MOCS1: variants seen among roughly 807,000 people sequenced by gnomAD.
MOCS1 encodes molybdenum cofactor biosynthesis protein 1.
In MOCS1, 39 loss-of-function variants were observed where a neutral mutation model predicts 57.6. That is an observed-to-expected ratio of 0.68 (90% CI 0.52 to 0.88). MOCS1 has a LOEUF of 0.88. MOCS1 is among the 40% of genes least tolerant of loss of function. MOCS1 has a pLI of 0.00. For synonymous variants in MOCS1, 334 were observed against 335.7 expected (o/e 1.00, Z 0.05); for missense variants, 795 against 831.1 (o/e 0.96, Z 0.53).
At chr6:39,914,259 ATAG>A (rs1242667160) in intron 4 of MOCS1, among the ~76,000 whole-genome samples, 1 of 152,264 alleles carries the variant, frequency 6.6e-6, no homozygotes, top group African/African-American at 2.4e-5. Context: ...CCTGTGGGCC[ATAG>A]CATGCTGACC....
intron 7 of MOCS1, 44 bp from the exon 8 acceptor site, chr6:39,912,418 G>T: frequency 7.3e-7 from 1 of 1,374,082 alleles, no homozygotes; most frequent in South Asian, 1.2e-5. Flanking sequence ...GGAGGGGATG[G>T]GCTACTGAGC....
intron 2 of MOCS1, among the ~76,000 whole-genome samples, chr6:39,927,016 G>C (rs531875582): frequency 2.6e-5 from 4 of 151,812 alleles, no homozygotes; most frequent in African/African-American, 9.7e-5. Flanking sequence ...TGGACTTCGG[G>C]AACTACAGGG....
chr6:39,907,245 G>T, intron 10 of MOCS1, 128 bp from the exon 11 acceptor site: 2 of 1,044,684 alleles, frequency 1.9e-6, no homozygotes, highest in Non-Finnish European at 2.7e-6. Flanking sequence ...GAGGAATGAA[G>T]AACAAAAAGC....
intron 3 of MOCS1, among the ~76,000 whole-genome samples, chr6:39,920,172 T>C (rs1374166187): frequency 2.0e-5 from 3 of 152,200 alleles, no homozygotes; most frequent in African/African-American, 7.2e-5. Context: ...CTAATTAACA[T>C]GTGAAGAGAT....
rs746167782 is a variant in MOCS1 at position 39,905,070 on chromosome 6, GTTGT to G, written c.*1283_*1286del. The stretch of plus-strand genomic sequence containing the variant: ...ACAAATTGTCTTTTCCAGAGAGCTG[GTTGT>G]TTAATATTTGCCAGCACACCTTGGC... On this transcript the variant is annotated 3_prime_UTR_variant, in exon 11 of 11. Coordinates refer to ENST00000340692, the MANE Select transcript of MOCS1 (RefSeq NM_001358530.2). 2.2e-5 allele frequency: 10 copies of G among 454,142 alleles called. No individual in the cohort carries two copies. Among genetic ancestry groups the G allele is most frequent in the African/African-American group, 6.0e-5 (3 of 49,978 alleles). The allele number at this position is 454,142 out of a possible 1,614,324, so 28.1% of individuals were successfully genotyped here.
At chr6:39,930,083 A>G (rs1464326956) in intron 1 of MOCS1, among the ~76,000 whole-genome samples, 1 of 152,070 alleles carries the variant, frequency 6.6e-6, no homozygotes, top group African/African-American at 2.4e-5. Context: ...CCAGCCTCCT[A>G]AACACACACA....
At chr6:39,921,458 A>G (rs980288994) in intron 3 of MOCS1, among the ~76,000 whole-genome samples, 1 of 152,206 alleles carries the variant, frequency 6.6e-6, no homozygotes, top group South Asian at 2.1e-4. Flanking sequence ...CTTAGGAACC[A>G]CTAACATTAT....
chr6:39,932,638 A>G (rs544355791), intron 1 of MOCS1, among the ~76,000 whole-genome samples: 58 of 152,322 alleles, frequency 3.8e-4, no homozygotes, highest in Admixed American at 2.6e-3. Context: ...GATAATCCTA[A>G]TGAGATGTCC....
chr6:39,920,317 C>T (rs534891227), intron 3 of MOCS1, among the ~76,000 whole-genome samples: 5 of 152,194 alleles, frequency 3.3e-5, no homozygotes, highest in South Asian at 2.1e-4. Context: ...TTACATAGGG[C>T]GGGTGAAAGT....
intron 1 of MOCS1, 37 bp downstream of exon 1, chr6:39,934,258 C>A: frequency 6.6e-7 from 1 of 1,512,862 alleles, no homozygotes; most frequent in East Asian, 2.4e-5. Context: ...GCCACTCCTG[C>A]CCCGGGAAGC....
At chr6:39,926,578 G>A (rs1330595091) in intron 2 of MOCS1, among the ~76,000 whole-genome samples, 1 of 150,326 alleles carries the variant, frequency 6.7e-6, no homozygotes, top group Non-Finnish European at 1.5e-5. Flanking sequence ...CTTTGAGACT[G>A]AAGAGAATAA....
intron 7 of MOCS1, among the ~76,000 whole-genome samples, chr6:39,912,618 AG>A (rs1357073855): frequency 6.6e-6 from 1 of 152,186 alleles, no homozygotes; most frequent in East Asian, 1.9e-4. Flanking sequence ...CAGCATGTTT[AG>A]AAAAGTCTGC....
At chr6:39,916,283 G>A (rs763187727) in intron 3 of MOCS1, 51 bp from the exon 4 acceptor site, 1 of 1,606,860 alleles carries the variant, frequency 6.2e-7, no homozygotes, top group Non-Finnish European at 8.5e-7. Context: ...TCTTGGTGAG[G>A]CCGGGAAAAG....
At position 39,913,784 on chromosome 6, in the gene MOCS1, T is replaced by TTGTA. The variant is rs1374348530; in HGVS notation, c.631_634dup (p.Asn212IlefsTer15). 6.2e-7 allele frequency: 1 copy of TTGTA among 1,613,954 alleles called. No homozygotes were observed. Among genetic ancestry groups the TTGTA allele is most frequent in the Non-Finnish European group, 8.5e-7 (1 of 1,180,016 alleles). ...GGGGCACGGCCTCACCTTCACAGGGTTGTAGCCCAGCTCGATGGCCTTGTG... is the reference window on the plus strand; with the variant it reads ...GGGGCACGGCCTCACCTTCACAGGGTTGTATGTAGCCCAGCTCGATGGCCTTGTG... On this transcript the variant is annotated frameshift_variant, in exon 5 of 11. Coordinates refer to ENST00000340692, the MANE Select transcript of MOCS1 (RefSeq NM_001358530.2). LOFTEE classifies it high-confidence loss of function.
intron 3 of MOCS1, among the ~76,000 whole-genome samples, chr6:39,919,521 A>C (rs80193143): frequency 0.52 from 78,057 of 151,198 alleles, 20,380 homozygotes; most frequent in Middle Eastern, 0.57. Context: ...CAGCAACAAA[A>C]AAAAAAAAAA....
At position 39,904,916 on chromosome 6, in the gene MOCS1, G is replaced by A. The variant is rs1218989025; in HGVS notation, c.*1441C>T. The A allele has an allele frequency of 4.4e-6, 2 of 454,134 alleles. No individual in the cohort carries two copies. Among genetic ancestry groups the A allele is most frequent in the African/African-American group, 2.0e-5 (1 of 50,126 alleles). 28.1% of individuals were successfully genotyped at this position (454,134 alleles called of 1,614,324 possible). On this transcript the variant is annotated 3_prime_UTR_variant, in exon 11 of 11. Transcript: ENST00000340692. Reference sequence around the variant, plus strand: ...TTCTTCCTATGAGGGGATCTGGGGTGGGCTGAGAGTGTGCTGGAGCCAGCT... The same window carrying A: ...TTCTTCCTATGAGGGGATCTGGGGTAGGCTGAGAGTGTGCTGGAGCCAGCT...
rs1767171096 is a variant in MOCS1 at position 39,909,325 on chromosome 6, GGGGAGAGGGAGAGGAAAGCAGGGGAGC to G, written c.1103-250_1103-224del. 1.4e-5 allele frequency among the ~76,000 whole-genome samples: 2 copies of G among 138,164 alleles called. 1 individual carries two copies. Among genetic ancestry groups the G allele is most frequent in the South Asian group, 4.9e-4 (2 of 4,060 alleles). The allele number at this position is 138,164 out of a possible 152,430, so 90.6% of individuals were successfully genotyped here. ...GGAGAGGGAGAGGAAAGCAGGGGAAGGGGAGAGGGAGAGGAAAGCAGGGGAGCGGGAGAGGGACAGGGCGGGGAGAGG... is the reference window on the plus strand; with the variant it reads ...GGAGAGGGAGAGGAAAGCAGGGGAAGGGGAGAGGGACAGGGCGGGGAGAGG... On this transcript the variant is annotated intron_variant, in intron 9 of 10. Transcript: ENST00000340692.
At chr6:39,918,851 T>A (rs1393047381) in intron 3 of MOCS1, among the ~76,000 whole-genome samples, 5 of 148,268 alleles carry the variant, frequency 3.4e-5, no homozygotes, top group South Asian at 4.3e-4. Flanking sequence ...AAAAAAAAAA[T>A]AATAAAGTTT....
chr6:39,909,365 G>T (rs1185055108), intron 9 of MOCS1, among the ~76,000 whole-genome samples: 3 of 151,342 alleles, frequency 2.0e-5, no homozygotes, highest in Non-Finnish European at 4.4e-5. Flanking sequence ...GAGAGGGACA[G>T]GGCGGGGAGA....
Sources: allele counts gnomAD v4.1 joint callset (sites outside exome capture counted in the v4.1 genomes callset), GRCh38; gene constraint gnomAD v4.1.1; transcripts MANE v1.5; gene names NCBI Gene and HGNC (gene_info 2026-07-23, HGNC 2026-07-21).